Variants in SAP30BP observed in about 807,000 individuals in gnomAD.
The protein encoded by SAP30BP is SAP30 binding protein.
In SAP30BP, 31 loss-of-function variants were observed where a neutral mutation model predicts 46.3. That is an observed-to-expected ratio of 0.67 (90% CI 0.50 to 0.90). The LOEUF (loss-of-function observed/expected upper bound fraction) is 0.90, where lower values mean the gene tolerates loss of function less well. Among genes scored for constraint, SAP30BP ranks in the 40% least tolerant of loss-of-function variants. SAP30BP has a pLI of 0.00. For missense variants in SAP30BP, 312 were observed against 391.0 expected (o/e 0.80, Z 1.70); for synonymous variants, 169 against 144.2 (o/e 1.17, Z -1.23).
intron 3 of SAP30BP, 155 bp from the exon 4 acceptor site, chr17:75,693,285 G>A (rs762324370): frequency 6.6e-6 from 4 of 610,456 alleles, no homozygotes; most frequent in East Asian, 3.0e-5. Flanking sequence ...GAGGCTCGGG[G>A]GTGCCAGAGG....
chr17:75,685,206 G>C (rs2060138871), intron 3 of SAP30BP, among the ~76,000 whole-genome samples: 1 of 152,124 alleles, frequency 6.6e-6, no homozygotes, highest in Non-Finnish European at 1.5e-5. Context: ...TGCTAACTGA[G>C]GTGTGGCTGG....
At position 75,693,441 on chromosome 17, in the gene SAP30BP, A is replaced by T. The variant is rs529241698; in HGVS notation, c.266A>T (p.Asp89Val). ...TEKPEADDPK[D>V]NTEAEKRDPQ... ...CTCGTATTTGTTTGTCTTTTGCAGGATAATACAGAAGCAGAAAAGCGAGAC... is the reference window on the plus strand; with the variant it reads ...CTCGTATTTGTTTGTCTTTTGCAGGTTAATACAGAAGCAGAAAAGCGAGAC... Residue 89 changes from aspartate (D) to valine (V), a missense_variant and splice_region_variant, in exon 4 of 11, where the codon GAT becomes GTT. Physicochemically the swap from Asp to Val is radical, Grantham distance 152. This residue lies in a region of SAP30BP where 296 missense variants were observed against 346.6 expected (regional missense o/e 0.85). Coordinates refer to ENST00000584667, the MANE Select transcript of SAP30BP (RefSeq NM_013260.8). The T allele has an allele frequency of 6.2e-7, 1 of 1,613,842 alleles. No individual in the cohort carries two copies. The highest frequency in any genetic ancestry group is 8.5e-7 in the Non-Finnish European group (1 of 1,179,884).
At chr17:75,689,036 G>A (rs1397782572) in intron 3 of SAP30BP, among the ~76,000 whole-genome samples, 1 of 152,110 alleles carries the variant, frequency 6.6e-6, no homozygotes, top group Non-Finnish European at 1.5e-5. Context: ...AGGCAGAGGA[G>A]GAGACCTCGG....
chr17:75,705,923 C>T, intron 9 of SAP30BP, 85 bp from the exon 10 acceptor site: 3 of 1,580,664 alleles, frequency 1.9e-6, no homozygotes, highest in South Asian at 1.1e-5. Context: ...GTGCCAAGCT[C>T]CTGTCCCCCA....
intron 3 of SAP30BP, among the ~76,000 whole-genome samples, chr17:75,681,458 G>C (rs1287275419): frequency 6.6e-6 from 1 of 152,186 alleles, no homozygotes; most frequent in African/African-American, 2.4e-5. Flanking sequence ...GTATTGGGCA[G>C]AGCTGACTCG....
In SAP30BP at chr17:75,707,610, C is replaced by T. The variant is rs1449541086; in HGVS notation, c.*1089C>T. Reference sequence around the variant, plus strand: ...ATGGCACCTGGTACTCTTGTGGGACCTGGGGAATATAAGGAACTCTGTGCA... The same window carrying T: ...ATGGCACCTGGTACTCTTGTGGGACTTGGGGAATATAAGGAACTCTGTGCA... On this transcript the variant is annotated 3_prime_UTR_variant, in exon 11 of 11. Coordinates refer to ENST00000584667, the MANE Select transcript of SAP30BP (RefSeq NM_013260.8). 1 of 152,628 alleles carries T rather than the reference C, an allele frequency of 6.6e-6. No homozygotes were observed. The highest frequency in any genetic ancestry group is 1.5e-5 in the Non-Finnish European group (1 of 68,054). The allele number at this position is 152,628 out of a possible 1,614,324, so 9.5% of individuals were successfully genotyped here.
At chr17:75,668,682 T>C (rs1000612496) in intron 2 of SAP30BP, 57 bp downstream of exon 2, 8 of 1,218,210 alleles carry the variant, frequency 6.6e-6, no homozygotes, top group Non-Finnish European at 9.6e-6. Flanking sequence ...TTGTCAGATT[T>C]TGGAACTGTG....
intron 3 of SAP30BP, among the ~76,000 whole-genome samples, chr17:75,682,919 C>T (rs1174658463): frequency 3.4e-4 from 49 of 143,322 alleles, no homozygotes; most frequent in Middle Eastern, 3.9e-3. Context: ...GCTGAGATCA[C>T]GCCACTGCAC....
intron 5 of SAP30BP, among the ~76,000 whole-genome samples, chr17:75,700,907 G>A (rs774490366): frequency 3.3e-5 from 5 of 152,186 alleles, no homozygotes; most frequent in Admixed American, 1.3e-4. Flanking sequence ...AAACATTTTA[G>A]TTCATCTTGA....
At chr17:75,672,197 T>G (rs2059917235) in intron 3 of SAP30BP, 1 of 317,330 alleles carries the variant, frequency 3.2e-6, no homozygotes, top group Non-Finnish European at 6.1e-6. Flanking sequence ...TTAGTCTGTT[T>G]CTAGACCCAG....
At chr17:75,676,358 GTATT>G (rs1401254749) in intron 3 of SAP30BP, among the ~76,000 whole-genome samples, 3 of 152,184 alleles carry the variant, frequency 2.0e-5, no homozygotes, top group Admixed American at 6.5e-5. Context: ...CAAAAAAGTA[GTATT>G]TATTAGTGAC....
rs1430188306 is a variant in SAP30BP at position 75,676,098 on chromosome 17, ATTC to A, written c.264+4241_264+4243del. ...CTTTTGCATTCAGGTAATTATAGGT[ATTC>A]TTCTTTGATACTTCATCAAAACTCA... is the stretch of plus-strand genomic sequence containing the variant. On this transcript the variant is annotated intron_variant, in intron 3 of 10. Coordinates refer to ENST00000584667, the MANE Select transcript of SAP30BP (RefSeq NM_013260.8). Among the ~76,000 whole-genome samples, 11 of 152,328 alleles carry A rather than the reference ATTC, an allele frequency of 7.2e-5. No homozygotes were observed. In the East Asian group the frequency reaches 1.7e-3, roughly 24 times the overall value.
intron 3 of SAP30BP, among the ~76,000 whole-genome samples, chr17:75,674,978 G>A (rs75196222): frequency 6.6e-6 from 1 of 151,912 alleles, no homozygotes. Flanking sequence ...GCTGGGATTA[G>A]AGCTGTGAGC....
At position 75,672,591 on chromosome 17, in the gene SAP30BP, CT is replaced by C. The variant is rs66675660; in HGVS notation, c.264+729del. Reference sequence around the variant, plus strand: ...TTTTTTATGAGGAAAAACTTCCCCCCTGTACCCCCAAAGAAAAAGACTTAAT... The same window carrying C: ...TTTTTTATGAGGAAAAACTTCCCCCCGTACCCCCAAAGAAAAAGACTTAAT... On this transcript the variant is annotated intron_variant, in intron 3 of 10. Transcript: ENST00000584667. Among the ~76,000 whole-genome samples the C allele has an allele frequency of 8.5e-3, 1,293 of 152,270 alleles. 9 individuals carry two copies. Among genetic ancestry groups the C allele is most frequent in the South Asian group, 0.033 (161 of 4,826 alleles).
intron 3 of SAP30BP, among the ~76,000 whole-genome samples, chr17:75,683,345 T>TA (rs1288200168): frequency 2.6e-5 from 4 of 151,818 alleles, no homozygotes; most frequent in African/African-American, 9.6e-5. Context: ...TGGTGCTTGG[T>TA]AAAAAATAAT....
At chr17:75,705,903 C>T (rs1265541307) in intron 9 of SAP30BP, 105 bp from the exon 10 acceptor site, 1 of 1,514,678 alleles carries the variant, frequency 6.6e-7, no homozygotes, top group East Asian at 2.3e-5. Context: ...TCCAATGCCT[C>T]TTTTGTGTAG....
chr17:75,696,363 T>A (rs2060318047), intron 4 of SAP30BP, among the ~76,000 whole-genome samples: 1 of 147,764 alleles, frequency 6.8e-6, no homozygotes, highest in Non-Finnish European at 1.5e-5. Flanking sequence ...TGAAACCCCA[T>A]TTCTACTAAA....
chr17:75,685,426 C>T (rs1420287187), intron 3 of SAP30BP, among the ~76,000 whole-genome samples: 5 of 152,182 alleles, frequency 3.3e-5, no homozygotes, highest in African/African-American at 9.7e-5. Flanking sequence ...GGCTGTGCTT[C>T]AAAGATGCTT....
chr17:75,696,769 T>G (rs1259986194), intron 4 of SAP30BP, among the ~76,000 whole-genome samples: 21 of 143,608 alleles, frequency 1.5e-4, no homozygotes, highest in African/African-American at 5.3e-4. Context: ...CCCTCCTCTT[T>G]TTTTTTTTTT....
Sources: allele counts gnomAD v4.1 joint callset (sites outside exome capture counted in the v4.1 genomes callset), GRCh38; gene constraint gnomAD v4.1.1; regional missense constraint gnomAD v4.1.1; transcripts MANE v1.5; gene names NCBI Gene and HGNC (gene_info 2026-07-23, HGNC 2026-07-21).